GPLD1: variants seen among roughly 807,000 people sequenced by gnomAD.
The protein encoded by GPLD1 is phosphatidylinositol-glycan-specific phospholipase D.
A neutral mutation model predicts 112.6 loss-of-function variants in GPLD1; 84 were observed. The observed-to-expected ratio is 0.75, with a 90% CI of 0.63 to 0.89. GPLD1 has a LOEUF of 0.89. GPLD1 is among the 40% of genes least tolerant of loss of function. The pLI is 0.00. For synonymous variants in GPLD1, 386 were observed against 403.8 expected (o/e 0.96, Z 0.53); for missense variants, 1,044 against 1,051.5 (o/e 0.99, Z 0.10).
intron 20 of GPLD1, 61 bp from the exon 21 acceptor site, chr6:24,437,350 T>C: frequency 1.4e-6 from 2 of 1,457,262 alleles, no homozygotes; most frequent in Admixed American, 1.7e-5. Flanking sequence ...GAACACGGAA[T>C]AGCACCCCAT....
intron 3 of GPLD1, among the ~76,000 whole-genome samples, chr6:24,478,328 A>G (rs531234968): frequency 5.3e-5 from 8 of 152,312 alleles, no homozygotes; most frequent in African/African-American, 1.7e-4. Flanking sequence ...AACTCCTTAT[A>G]AATATGAGAA....
chr6:24,447,742 A>G (rs746403521), intron 17 of GPLD1, 135 bp downstream of exon 17: 84 of 821,686 alleles, frequency 1.0e-4, no homozygotes, highest in South Asian at 3.4e-4. Flanking sequence ...ACACATCTTT[A>G]AGAGTAACAG....
At chr6:24,479,415 G>C (rs530489631) in intron 3 of GPLD1, among the ~76,000 whole-genome samples, 1 of 152,136 alleles carries the variant, frequency 6.6e-6, no homozygotes, top group African/African-American at 2.4e-5. Context: ...TAGTATCTGC[G>C]ATTTGCATAA....
intron 2 of GPLD1, among the ~76,000 whole-genome samples, chr6:24,485,439 A>G (rs2075377825): frequency 6.6e-6 from 1 of 152,104 alleles, no homozygotes; most frequent in South Asian, 2.1e-4. Flanking sequence ...TGATACAGAG[A>G]AGATTAGCAC....
chr6:24,473,512 A>G, intron 6 of GPLD1, 107 bp downstream of exon 6: 8 of 697,980 alleles, frequency 1.1e-5, no homozygotes, highest in South Asian at 1.1e-4. Flanking sequence ...TAGAAAATAC[A>G]TGCAACCAGC....
intron 2 of GPLD1, among the ~76,000 whole-genome samples, chr6:24,484,720 C>G (rs1240551925): frequency 9.9e-5 from 15 of 152,180 alleles, no homozygotes; most frequent in Non-Finnish European, 1.5e-5. Flanking sequence ...TCTTTCCTGC[C>G]TACTTGCCGT....
chr6:24,468,891 G>A lies in GPLD1; in HGVS notation c.546-1617C>T, dbSNP rs183779448. ...CAGCCTTGGGCACATGTTGTCATCC[G>A]GACCTCCTGAGGCTGTATCATGGGT... On this transcript the variant is annotated intron_variant, in intron 7 of 24. Coordinates refer to ENST00000230036, the MANE Select transcript of GPLD1 (RefSeq NM_001503.4). Among the ~76,000 whole-genome samples the A allele has an allele frequency of 2.7e-3, 412 of 152,274 alleles. 1 individual carries two copies. Among genetic ancestry groups the A allele is most frequent in the African/African-American group, 9.2e-3 (384 of 41,538 alleles).
intron 10 of GPLD1, among the ~76,000 whole-genome samples, chr6:24,465,258 G>A (rs576606322): frequency 6.6e-6 from 1 of 150,808 alleles, no homozygotes; most frequent in Non-Finnish European, 1.5e-5. Flanking sequence ...TGGGTTTTCC[G>A]GCCACGCATG....
intron 2 of GPLD1, among the ~76,000 whole-genome samples, chr6:24,482,097 A>ATTTTGTTTTTTTTT (rs781099419): frequency 9.7e-6 from 1 of 103,228 alleles, no homozygotes; most frequent in Non-Finnish European, 1.9e-5. Flanking sequence ...GTATTTTTGG[A>ATTTTGTTTTTTTTT]TTTTTTTTTT....
chr6:24,456,538 C>T lies in GPLD1; in HGVS notation c.1108G>A (p.Ala370Thr). Reference protein sequence around the residue: ...LSQKHVSSPLASYFLSFPYAR... With the variant: ...LSQKHVSSPLTSYFLSFPYAR... ...TAAGGAAATGACAAGAAGTAAGATG[C>T]TAAGGGGCTGGAGACGTGCTTTTGT... Residue 370 changes from alanine (A) to threonine (T), a missense_variant, in exon 13 of 25, where the codon GCA becomes ACA. Physicochemically the swap from Ala to Thr is moderately conservative, Grantham distance 58 (BLOSUM62 0). Coordinates refer to ENST00000230036, the MANE Select transcript of GPLD1 (RefSeq NM_001503.4). The T allele has an allele frequency of 5.6e-6, 9 of 1,611,132 alleles. No homozygotes were observed. The highest frequency in any genetic ancestry group is 2.7e-5 in the African/African-American group (2 of 74,968).
upstream of GPLD1, chr6:24,489,687 T>G (rs774628611): frequency 4.6e-6 from 5 of 1,081,590 alleles, no homozygotes; most frequent in Non-Finnish European, 6.4e-6. Flanking sequence ...ACTGTCCAAC[T>G]ACTGTTTAGC....
At chr6:24,470,102 AC>A (rs1162224380) in intron 7 of GPLD1, among the ~76,000 whole-genome samples, 1 of 151,742 alleles carries the variant, frequency 6.6e-6, no homozygotes, top group Non-Finnish European at 1.5e-5. Flanking sequence ...CACACCCTAC[AC>A]GTTAGGTTTG....
In GPLD1 at chr6:24,436,755, G is replaced by A. The variant is rs375084550; in HGVS notation, c.2198-19C>T. ...ATTTCATCTGAAAACAATAAAAACC[G>A]ACAGAAGGAAGTATTTGACTCCTCA... On this transcript the variant is annotated intron_variant, in intron 21 of 24. Coordinates refer to ENST00000230036, the MANE Select transcript of GPLD1 (RefSeq NM_001503.4). The A allele has an allele frequency of 5.5e-5, 89 of 1,611,034 alleles. 2 individuals carry two copies. The highest frequency in any genetic ancestry group is 4.1e-4 in the African/African-American group (31 of 74,898).
At chr6:24,444,086 C>A (rs1285930846) in intron 20 of GPLD1, among the ~76,000 whole-genome samples, 2 of 152,140 alleles carry the variant, frequency 1.3e-5, no homozygotes, top group African/African-American at 4.8e-5. Context: ...AAGATTAGAA[C>A]CTCTACTCCA....
At chr6:24,449,052 G>A (rs778943571) in intron 15 of GPLD1, among the ~76,000 whole-genome samples, 6 of 151,922 alleles carry the variant, frequency 3.9e-5, no homozygotes, top group Admixed American at 6.6e-5. Context: ...TATCAGCCTC[G>A]CCCAGGAGTT....
rs1172023666 is a variant in GPLD1 at position 24,426,589 on chromosome 6, A to G, written c.*2443T>C. Among the ~76,000 whole-genome samples the G allele has an allele frequency of 2.0e-5, 3 of 152,198 alleles. No individual in the cohort carries two copies. Among genetic ancestry groups the G allele is most frequent in the Admixed American group, 6.5e-5 (1 of 15,278 alleles). ...TGAGGTAAATAATGGTCATGTTTAAACAGAGGCCTTATCATTTAGTGAAGC... is the reference window on the plus strand; with the variant it reads ...TGAGGTAAATAATGGTCATGTTTAAGCAGAGGCCTTATCATTTAGTGAAGC... On this transcript the variant is annotated 3_prime_UTR_variant, in exon 25 of 25. Coordinates refer to ENST00000230036, the MANE Select transcript of GPLD1 (RefSeq NM_001503.4).
intron 2 of GPLD1, among the ~76,000 whole-genome samples, chr6:24,483,914 GTTTT>G (rs1242430398): frequency 6.6e-6 from 1 of 151,114 alleles, no homozygotes; most frequent in African/African-American, 2.4e-5. Flanking sequence ...GTTTTGTTTT[GTTTT>G]GTTTTGTTTT....
At chr6:24,474,160 A>ACCAC (rs1231952050) in intron 5 of GPLD1, among the ~76,000 whole-genome samples, 3 of 121,286 alleles carry the variant, frequency 2.5e-5, no homozygotes, top group African/African-American at 6.1e-5. Context: ...ACAACAAAAA[A>ACCAC]AACCACACCC....
At chr6:24,442,510 T>A (rs1276245374) in intron 20 of GPLD1, among the ~76,000 whole-genome samples, 3 of 132,532 alleles carry the variant, frequency 2.3e-5, no homozygotes, top group Admixed American at 9.1e-5. Flanking sequence ...AGTGGCACAA[T>A]CTCAGCTCAC....
Sources: gnomAD v4.1 joint callset for allele counts (sites outside exome capture counted in the v4.1 genomes callset) on GRCh38, gnomAD v4.1.1 for gene constraint, MANE v1.5 for transcripts, NCBI Gene and HGNC (gene_info 2026-07-23, HGNC 2026-07-21) for gene names.